ARHGAP12: variants seen among roughly 807,000 people sequenced by gnomAD.
The protein encoded by ARHGAP12 is Rho GTPase activating protein 12, also known as rho GTPase-activating protein 12.
A neutral mutation model predicts 108.6 loss-of-function variants in ARHGAP12; 64 were observed. The observed-to-expected ratio is 0.59, with a 90% CI of 0.48 to 0.73. The LOEUF is 0.73. ARHGAP12 is among the 30% of genes least tolerant of loss of function. The pLI, the probability that ARHGAP12 is intolerant of heterozygous loss-of-function variation, is 0.00. For synonymous variants in ARHGAP12, 312 were observed against 337.2 expected (o/e 0.93, Z 0.82); for missense variants, 940 against 1,005.9 (o/e 0.93, Z 0.89).
chr10:31,863,773 A>ATG (rs1837220547), intron 3 of ARHGAP12, among the ~76,000 whole-genome samples: 1 of 152,166 alleles, frequency 6.6e-6, no homozygotes, highest in Non-Finnish European at 1.5e-5. Context: ...ATTCATAGAT[A>ATG]AACACGATCA....
At chr10:31,896,574 G>C (rs930682206) in intron 3 of ARHGAP12, among the ~76,000 whole-genome samples, 14 of 151,958 alleles carry the variant, frequency 9.2e-5, no homozygotes, top group Non-Finnish European at 1.6e-4. Flanking sequence ...TGATACTCAA[G>C]ATTGATAAGA....
At position 31,908,272 on chromosome 10, in the gene ARHGAP12, T is replaced by C. The variant is rs950617347; in HGVS notation, c.584A>G (p.Gln195Arg). The C allele has an allele frequency of 6.2e-7, 1 of 1,614,092 alleles. No individual in the cohort carries two copies. Among genetic ancestry groups the C allele is most frequent in the Non-Finnish European group, 8.5e-7 (1 of 1,180,028 alleles). Residue 195 changes from glutamine (Q) to arginine (R), a missense_variant, in exon 3 of 20, where the codon CAG becomes CGG. By Grantham distance (43) the Gln-to-Arg change is conservative (BLOSUM62 1). Coordinates refer to ENST00000344936, the MANE Select transcript of ARHGAP12 (RefSeq NM_018287.7). Reference sequence around the variant, plus strand: ...TCCTGCGGAATCACAAGATTGTTCCTGGGAGAAGCTAGTTTTCTCTACATC... The same window carrying C: ...TCCTGCGGAATCACAAGATTGTTCCCGGGAGAAGCTAGTTTTCTCTACATC... ...FLDVEKTSFS[Q>R]EQSCDSAGEG...
chr10:31,880,785 G>C (rs1837918229), intron 3 of ARHGAP12, among the ~76,000 whole-genome samples: 1 of 151,858 alleles, frequency 6.6e-6, no homozygotes, highest in African/African-American at 2.4e-5. Flanking sequence ...AACAAGTTCT[G>C]GCCGGGAGTG....
rs932573203 is a variant in ARHGAP12, at chr10:31,904,744, A to C, written c.684+3428T>G. The stretch of plus-strand genomic sequence containing the variant: ...TGGGCTCAAATGATCCTCCCACCTC[A>C]GCCTCCCAAGTAGCTGGGACTACAG... On this transcript the variant is annotated intron_variant, in intron 3 of 19. Coordinates refer to ENST00000344936, the MANE Select transcript of ARHGAP12 (RefSeq NM_018287.7). Among the ~76,000 whole-genome samples, 5 of 152,030 alleles carry C rather than the reference A, an allele frequency of 3.3e-5. No homozygotes were observed. The East Asian group carries it at 9.6e-4, about 29-fold the overall frequency.
rs941372941 is a variant in ARHGAP12, at chr10:31,805,434, A to G, written c.*2224T>C. 23 of 152,180 alleles carry G rather than the reference A, an allele frequency of 1.5e-4. No homozygotes were observed. Among genetic ancestry groups the G allele is most frequent in the Non-Finnish European group, 3.1e-4 (21 of 68,026 alleles). The allele number at this position is 152,180 out of a possible 1,614,324, so 9.4% of individuals were successfully genotyped here. ...ACATTATGAAGGAAGACTTACTAAC[A>G]AATAAAATTCCACTGATAATTTATT... On this transcript the variant is annotated 3_prime_UTR_variant, in exon 20 of 20. Coordinates refer to ENST00000344936, the MANE Select transcript of ARHGAP12 (RefSeq NM_018287.7).
intron 19 of ARHGAP12, 48 bp downstream of exon 19, chr10:31,808,601 G>A (rs377648203): frequency 8.9e-5 from 138 of 1,552,722 alleles, no homozygotes; most frequent in Non-Finnish European, 1.1e-4. Flanking sequence ...AGGCCTTCCC[G>A]CTTCCCCTTG....
At chr10:31,896,242 A>T (rs913069659) in intron 3 of ARHGAP12, among the ~76,000 whole-genome samples, 8 of 150,728 alleles carry the variant, frequency 5.3e-5, no homozygotes, top group African/African-American at 1.5e-4. Flanking sequence ...GTATAATAAA[A>T]ATATATATAT....
At chr10:31,918,549 T>C (rs988273999) in intron 1 of ARHGAP12, among the ~76,000 whole-genome samples, 1 of 151,896 alleles carries the variant, frequency 6.6e-6, no homozygotes, top group African/African-American at 2.4e-5. Flanking sequence ...CAAACAAAAA[T>C]TTAAAAAATA....
intron 3 of ARHGAP12, among the ~76,000 whole-genome samples, chr10:31,891,546 A>AT (rs1365443544): frequency 6.6e-6 from 1 of 151,896 alleles, no homozygotes; most frequent in African/African-American, 2.4e-5. Flanking sequence ...AGTGAATCTG[A>AT]TAATTATGTA....
At chr10:31,810,515 TTCTTAACA>T in intron 16 of ARHGAP12, 126 bp downstream of exon 16, 1 of 576,522 alleles carries the variant, frequency 1.7e-6, no homozygotes, top group African/African-American at 1.9e-5. Flanking sequence ...CAAAATTATT[TTCTTAACA>T]TCTTAGGACT....
intron 3 of ARHGAP12, among the ~76,000 whole-genome samples, chr10:31,891,388 T>A (rs1838423271): frequency 6.6e-6 from 1 of 152,222 alleles, no homozygotes; most frequent in African/African-American, 2.4e-5. Flanking sequence ...TTATTTTCTT[T>A]AAGAATGTTG....
chr10:31,831,739 C>T lies in ARHGAP12; in HGVS notation c.1448G>A (p.Arg483Gln), dbSNP rs745636150. 4 of 1,569,372 alleles carry T rather than the reference C, an allele frequency of 2.5e-6. No individual in the cohort carries two copies. Among genetic ancestry groups the T allele is most frequent in the Middle Eastern group, 1.7e-4 (1 of 5,948 alleles). ...GAACATTAAAGACTTGTGTACTTAC[C>T]GAACCTTTTTCCCATTTTCAGCAAT... ...TKIAENGKKV[R>Q]KNWLSSWAVL... is the part of the protein sequence containing the mutation. The change falls in exon 10 of 20, where the codon CGA becomes CAA. Residue 483 changes from arginine to glutamine, a missense_variant and splice_region_variant. Physicochemically the swap from Arg to Gln is conservative, Grantham distance 43. Coordinates refer to ENST00000344936, the MANE Select transcript of ARHGAP12 (RefSeq NM_018287.7).
At chr10:31,895,827 T>C (rs1838662123) in intron 3 of ARHGAP12, among the ~76,000 whole-genome samples, 1 of 152,158 alleles carries the variant, frequency 6.6e-6, no homozygotes, top group African/African-American at 2.4e-5. Context: ...TAGCAAAGTC[T>C]TGGAACCAAC....
rs539439921 is a variant in ARHGAP12 at position 31,856,090 on chromosome 10, T to C, written c.949-1884A>G. ...TCCTAGTACAAATATGAGGGGGCTA[T>C]GGTAGATGCTCCATTTATAGAAGAA... On this transcript the variant is annotated intron_variant, in intron 4 of 19. Transcript: ENST00000344936. 5.3e-5 allele frequency among the ~76,000 whole-genome samples: 8 copies of C among 152,270 alleles called. No individual in the cohort carries two copies. In the East Asian group the frequency reaches 5.8e-4, roughly 11 times the overall value.
chr10:31,814,832 G>A (rs1159867722), intron 13 of ARHGAP12, among the ~76,000 whole-genome samples: 11 of 151,902 alleles, frequency 7.2e-5, no homozygotes, highest in Admixed American at 5.2e-4. Context: ...ATCCTAGAGC[G>A]GCCAGGCGTG....
At chr10:31,839,358 G>C in intron 8 of ARHGAP12, 39 bp from the exon 9 acceptor site, 1 of 1,574,188 alleles carries the variant, frequency 6.4e-7, no homozygotes, top group Non-Finnish European at 8.6e-7. Context: ...TCATAGTATT[G>C]TCTGGGAATT....
At chr10:31,895,569 G>A (rs188766023) in intron 3 of ARHGAP12, among the ~76,000 whole-genome samples, 27 of 152,204 alleles carry the variant, frequency 1.8e-4, no homozygotes, top group East Asian at 7.7e-4. Flanking sequence ...TTAGAATGGC[G>A]ATCATTAAAA....
intron 6 of ARHGAP12, among the ~76,000 whole-genome samples, chr10:31,847,123 G>A (rs996275503): frequency 1.3e-5 from 2 of 151,864 alleles, no homozygotes; most frequent in African/African-American, 4.8e-5. Flanking sequence ...CTTATCTCAA[G>A]TGTGTTTATA....
chr10:31,918,306 T>C (rs1839644360), intron 1 of ARHGAP12, among the ~76,000 whole-genome samples: 1 of 133,104 alleles, frequency 7.5e-6, no homozygotes, highest in Non-Finnish European at 1.6e-5. Context: ...TTACTGATCA[T>C]TAGGGAAATC....
Sources: gnomAD v4.1 joint callset for allele counts (sites outside exome capture counted in the v4.1 genomes callset) on GRCh38, gnomAD v4.1.1 for gene constraint, MANE v1.5 for transcripts, NCBI Gene and HGNC (gene_info 2026-07-23, HGNC 2026-07-21) for gene names.